Variants in CNIH3 observed in about 807,000 individuals in gnomAD.
CNIH3 encodes the protein protein cornichon homolog 3.
A neutral mutation model predicts 24.1 loss-of-function variants in CNIH3; 14 were observed. That is an observed-to-expected ratio of 0.58 (90% CI 0.38 to 0.91). CNIH3 has a LOEUF of 0.91. Among genes scored for constraint, CNIH3 ranks in the 40% least tolerant of loss-of-function variants. The probability of loss-of-function intolerance (pLI) is 0.00; values close to 1 mark genes in which losing one functional copy is unlikely to be tolerated. For synonymous variants in CNIH3, 68 were observed against 73.8 expected, an observed-to-expected ratio of 0.92 and a Z score of 0.40; for missense variants, 178 against 196.8, an observed-to-expected ratio of 0.90 and a Z score of 0.57.
exon 1 of CNIH3, chr1:224,434,707 G>A: frequency 1.0e-6 from 1 of 960,506 alleles, no homozygotes; most frequent in Non-Finnish European, 1.2e-6. Context: ...GGCGGCGGCG[G>A]GCGGCAGCGG....
chr1:224,445,766 A>G (rs1675135797), intron 1 of CNIH3, among the ~76,000 whole-genome samples: 2 of 152,130 alleles, frequency 1.3e-5, no homozygotes, highest in African/African-American at 4.8e-5. Context: ...AATCCAGTTC[A>G]TCAGTTCTCT....
chr1:224,628,309 C>T (rs1404556869), intron 1 of CNIH3, among the ~76,000 whole-genome samples: 3 of 152,034 alleles, frequency 2.0e-5, no homozygotes, highest in Admixed American at 6.6e-5. Flanking sequence ...TTTTTTAAAC[C>T]GTTTTTAAGT....
At chr1:224,492,765 G>C (rs572461507) in intron 1 of CNIH3, among the ~76,000 whole-genome samples, 1 of 152,322 alleles carries the variant, frequency 6.6e-6, no homozygotes, top group South Asian at 2.1e-4. Flanking sequence ...ACAGGTGTCT[G>C]TGGTAATAAC....
chr1:224,473,752 C>T (rs910640717), intron 1 of CNIH3, among the ~76,000 whole-genome samples: 4 of 152,122 alleles, frequency 2.6e-5, no homozygotes, highest in Non-Finnish European at 4.4e-5. Flanking sequence ...GACAGAAAAT[C>T]AACAAAGAAA....
intron 3 of CNIH3, among the ~76,000 whole-genome samples, chr1:224,707,189 C>T (rs1687866908): frequency 1.3e-5 from 2 of 152,034 alleles, no homozygotes; most frequent in Admixed American, 6.5e-5. Context: ...ATCTCGAACT[C>T]CTGACCTCAA....
At position 224,439,542 on chromosome 1, in the gene CNIH3, TA is replaced by T. The variant is rs35161497; in HGVS notation, n.203+4692del. ...AGCACTTTTGCAGTATGGGCCGTAT[TA>T]AAAAAAAAAAACATTTAACACTCAG... On this transcript the variant is annotated intron_variant and non_coding_transcript_variant, in intron 1 of 5. Transcript: ENST00000471578. Among the ~76,000 whole-genome samples the T allele has an allele frequency of 2.6e-3, 382 of 144,326 alleles. 1 individual carries two copies. The highest frequency in any genetic ancestry group is 8.0e-3 in the African/African-American group (317 of 39,818). The allele number at this position is 144,326 out of a possible 152,430, so 94.7% of individuals were successfully genotyped here.
rs1683466009 is a variant in CNIH3, at chr1:224,625,318, G to C, written c.81+8063G>C. Among the ~76,000 whole-genome samples the C allele has an allele frequency of 3.3e-5, 5 of 152,322 alleles. No homozygotes were observed. The South Asian group carries it at 1.0e-3, about 32-fold the overall frequency. Reference sequence around the variant, plus strand: ...TAATCCCAGCACTTTGGGAGGCCTAGGCGGGCGGATCATGAGGTCAGGAGA... The same window carrying C: ...TAATCCCAGCACTTTGGGAGGCCTACGCGGGCGGATCATGAGGTCAGGAGA... On this transcript the variant is annotated intron_variant, in intron 1 of 5. Coordinates refer to ENST00000272133, the MANE Select transcript of CNIH3 (RefSeq NM_152495.2).
chr1:224,441,132 A>C (rs1482444979), intron 1 of CNIH3, among the ~76,000 whole-genome samples: 1 of 152,140 alleles, frequency 6.6e-6, no homozygotes, highest in Non-Finnish European at 1.5e-5. Context: ...AAGTATTTTT[A>C]AAAAGTGCCA....
chr1:224,614,453 T>C (rs568590997), upstream of CNIH3, among the ~76,000 whole-genome samples: 1 of 152,114 alleles, frequency 6.6e-6, no homozygotes, highest in East Asian at 1.9e-4. Flanking sequence ...GCTGGAAGAC[T>C]GCTTGAGGCC....
intron 1 of CNIH3, among the ~76,000 whole-genome samples, chr1:224,470,071 TTCAGTGGCGCGA>T (rs1347641738): frequency 7.3e-4 from 111 of 151,822 alleles, no homozygotes; most frequent in African/African-American, 2.1e-3. Context: ...CAGGCTGGAG[TTCAGTGGCGCGA>T]TCTCGGCTCA....
chr1:224,734,435 A>G, intron 4 of CNIH3, 128 bp from the exon 5 acceptor site: 2 of 879,648 alleles, frequency 2.3e-6, no homozygotes, highest in Non-Finnish European at 3.6e-6. Context: ...TTCAACTGTG[A>G]TTTGGGCAGA....
At chr1:224,637,403 C>T (rs995480556) in intron 1 of CNIH3, among the ~76,000 whole-genome samples, 5 of 128,354 alleles carry the variant, frequency 3.9e-5, no homozygotes, top group Admixed American at 8.8e-5. Flanking sequence ...AGTTAGTTCT[C>T]CTGTCTCTGG....
At chr1:224,673,182 G>A (rs979751723) in intron 1 of CNIH3, among the ~76,000 whole-genome samples, 4 of 152,088 alleles carry the variant, frequency 2.6e-5, no homozygotes, top group African/African-American at 9.7e-5. Context: ...TGGCCCCCTC[G>A]GTCATGTCCA....
intron 3 of CNIH3, among the ~76,000 whole-genome samples, chr1:224,699,635 A>C (rs190412635): frequency 1.3e-5 from 2 of 152,328 alleles, no homozygotes; most frequent in East Asian, 3.9e-4. Flanking sequence ...TAGGGTCTAT[A>C]GGGTAAATCC....
intron 1 of CNIH3, among the ~76,000 whole-genome samples, chr1:224,675,873 T>C (rs1686113207): frequency 6.6e-6 from 1 of 152,192 alleles, no homozygotes; most frequent in South Asian, 2.1e-4. Flanking sequence ...TGTGGAGTCA[T>C]GGGAACACTC....
chr1:224,489,287 A>C (rs1200993581), intron 1 of CNIH3, among the ~76,000 whole-genome samples: 1 of 152,222 alleles, frequency 6.6e-6, no homozygotes, highest in African/African-American at 2.4e-5. Context: ...TCAGCTGGAC[A>C]GTTGGTCAGA....
chr1:224,656,333 C>T (rs1202101729), intron 1 of CNIH3, among the ~76,000 whole-genome samples: 1 of 152,216 alleles, frequency 6.6e-6, no homozygotes, highest in Admixed American at 6.5e-5. Context: ...TAATTAACAG[C>T]ATCGATAAAC....
chr1:224,628,940 C>T (rs138476143), intron 1 of CNIH3, among the ~76,000 whole-genome samples: 1 of 151,866 alleles, frequency 6.6e-6, no homozygotes, highest in Non-Finnish European at 1.5e-5. Flanking sequence ...GAACTCCCCC[C>T]CAACCACCTG....
chr1:224,524,753 C>T (rs953001348), intron 2 of CNIH3, among the ~76,000 whole-genome samples: 2 of 152,158 alleles, frequency 1.3e-5, no homozygotes, highest in East Asian at 3.9e-4. Context: ...ATTTCTTCCT[C>T]TTATGATAAT....
Sources: gnomAD v4.1 joint callset for allele counts (sites outside exome capture counted in the v4.1 genomes callset) on GRCh38, gnomAD v4.1.1 for gene constraint, MANE v1.5 for transcripts, NCBI Gene and HGNC (gene_info 2026-07-23, HGNC 2026-07-21) for gene names.